Variants in GNG7 observed in about 807,000 individuals in gnomAD.
GNG7 encodes the protein guanine nucleotide-binding protein G(I)/G(S)/G(O) subunit gamma-7.
Under a neutral mutation model 4.0 loss-of-function variants are expected in GNG7, and 1 was observed. The observed-to-expected ratio is 0.25, with a 90% CI of 0.09 to 1.18. The LOEUF (loss-of-function observed/expected upper bound fraction) is 1.18. Ranked by LOEUF, GNG7 falls within the 50% of genes most tolerant of loss-of-function variation. The pLI is 0.50. For missense variants in GNG7, 86 were observed against 91.9 expected (o/e 0.94, Z 0.26); for synonymous variants, 34 against 36.9 (o/e 0.92, Z 0.29).
chr19:2,646,624 G>A (rs1982674050), intron 1 of GNG7, among the ~76,000 whole-genome samples: 1 of 151,854 alleles, frequency 6.6e-6, no homozygotes, highest in Non-Finnish European at 1.5e-5. Context: ...GGCAGAGGGT[G>A]CAGTGAGCTG....
At chr19:2,649,727 G>A (rs1398066980) in intron 1 of GNG7, among the ~76,000 whole-genome samples, 4 of 152,012 alleles carry the variant, frequency 2.6e-5, no homozygotes, top group East Asian at 1.9e-4. Flanking sequence ...GTGAACTAAC[G>A]CCTGTACCAT....
chr19:2,660,320 T>C lies in GNG7; in HGVS notation c.-134-14040A>G, dbSNP rs559350452. Reference sequence around the variant, plus strand: ...TCATCCCTTTCCAATCCTGATTCCCTGTGGGAGAAACACAATTCCTTCCAT... The same window carrying C: ...TCATCCCTTTCCAATCCTGATTCCCCGTGGGAGAAACACAATTCCTTCCAT... On this transcript the variant is annotated intron_variant, in intron 1 of 4. Coordinates refer to ENST00000382159, the MANE Select transcript of GNG7 (RefSeq NM_052847.3). Among the ~76,000 whole-genome samples the C allele has an allele frequency of 1.6e-3, 243 of 152,338 alleles. 1 individual carries two copies. Among genetic ancestry groups the C allele is most frequent in the African/African-American group, 5.6e-3 (234 of 41,578 alleles).
intron 3 of GNG7, among the ~76,000 whole-genome samples, chr19:2,525,770 G>T (rs1479961778): frequency 6.6e-6 from 1 of 152,000 alleles, no homozygotes; most frequent in South Asian, 2.1e-4. Flanking sequence ...TTATAATTGC[G>T]TTATGTGTAA....
chr19:2,517,896 G>C (rs925638707), intron 4 of GNG7, among the ~76,000 whole-genome samples: 10 of 152,214 alleles, frequency 6.6e-5, no homozygotes, highest in Non-Finnish European at 1.5e-4. Context: ...CCAGGAGCCT[G>C]TGGGACAGCT....
At chr19:2,644,718 T>A (rs538834911) in intron 2 of GNG7, among the ~76,000 whole-genome samples, 1 of 152,110 alleles carries the variant, frequency 6.6e-6, no homozygotes, top group Non-Finnish European at 1.5e-5. Flanking sequence ...GGGGATCACA[T>A]GCTGTGTGGC....
intron 3 of GNG7, among the ~76,000 whole-genome samples, chr19:2,554,099 T>C (rs986260425): frequency 2.1e-5 from 3 of 144,422 alleles, no homozygotes; most frequent in Admixed American, 7.1e-5. Context: ...AACCCAGGAG[T>C]TCAAGATTGC....
At chr19:2,515,645 C>T (rs1455401884) in intron 4 of GNG7, among the ~76,000 whole-genome samples, 1 of 151,926 alleles carries the variant, frequency 6.6e-6, no homozygotes, top group East Asian at 1.9e-4. Flanking sequence ...TCAGGCTGGT[C>T]TCGAACTCCT....
At chr19:2,673,466 G>A (rs553745692) in intron 1 of GNG7, among the ~76,000 whole-genome samples, 152 of 152,090 alleles carry the variant, frequency 1.0e-3, no homozygotes, top group African/African-American at 3.4e-3. Flanking sequence ...GCCGAGGCGG[G>A]CGGCTCACCT....
chr19:2,569,375 A>G (rs1032783708), intron 2 of GNG7, among the ~76,000 whole-genome samples: 1 of 152,024 alleles, frequency 6.6e-6, no homozygotes, highest in Non-Finnish European at 1.5e-5. Flanking sequence ...TCCTGGGTTG[A>G]CACCATTCTC....
chr19:2,667,433 C>T (rs1983338295), intron 1 of GNG7, among the ~76,000 whole-genome samples: 2 of 152,246 alleles, frequency 1.3e-5, no homozygotes, highest in South Asian at 4.1e-4. Context: ...TGCGTGAATA[C>T]CTCACCTCTA....
rs1361626136 is a variant in GNG7, at chr19:2,557,001, C to T, written c.-77-1813G>A. 6.7e-6 allele frequency among the ~76,000 whole-genome samples: 1 copy of T among 148,568 alleles called. No individual in the cohort carries two copies. The highest frequency in any genetic ancestry group is 2.5e-5 in the African/African-American group (1 of 40,148). On this transcript the variant is annotated intron_variant, in intron 2 of 4. Transcript: ENST00000382159. This position sits in a 1 kb window ranked among gnomAD's most constrained non-coding sequence, Gnocchi z 5.1. ...AGAGACATCCAGGGGGGCTGCCTCC[C>T]CTCCCACCTCTACACACACACACGC...
In GNG7 at chr19:2,513,681, T is replaced by G; in HGVS notation, c.*1341A>C. The G allele has an allele frequency of 2.0e-6, 1 of 507,678 alleles. No individual in the cohort carries two copies. The highest frequency in any genetic ancestry group is 1.5e-4 in the East Asian group (1 of 6,664). 31.4% of individuals were successfully genotyped at this position (507,678 alleles called of 1,614,324 possible). A position where few individuals can be genotyped will look rare whatever the true frequency, so the allele number is the denominator to read the frequency against. On this transcript the variant is annotated 3_prime_UTR_variant, in exon 5 of 5. Coordinates refer to ENST00000382159, the MANE Select transcript of GNG7 (RefSeq NM_052847.3). ...CAGGGTAACGTTTTGAGCGGACGTT[T>G]TGATCTCCGGGACAACGTCTCACCT...
At chr19:2,590,912 TCCATCCATCCAA>T (rs1368652805) in intron 2 of GNG7, among the ~76,000 whole-genome samples, 22 of 151,942 alleles carry the variant, frequency 1.4e-4, no homozygotes, top group African/African-American at 4.8e-4. Flanking sequence ...CATCCATTCA[TCCATCCATCCAA>T]CCATCCATTT....
intron 1 of GNG7, among the ~76,000 whole-genome samples, chr19:2,684,119 C>T (rs1051524421): frequency 1.4e-5 from 2 of 147,232 alleles, no homozygotes; most frequent in African/African-American, 5.0e-5. Flanking sequence ...GTCAGGAGTT[C>T]GAGACCAGCC....
rs187775481 is a variant in GNG7, at chr19:2,538,791, C to T, written c.-38+16358G>A. The T allele has an allele frequency of 2.8e-4, 110 of 393,784 alleles. 1 individual carries two copies. The East Asian group carries it at 2.8e-3, about 10-fold the overall frequency. The allele number at this position is 393,784 out of a possible 1,614,324, so 24.4% of individuals were successfully genotyped here. A position where few individuals can be genotyped will look rare whatever the true frequency, so the allele number is the denominator to read the frequency against. ...TTCTTTTTTTTCTTTTTTTTTGAGA[C>T]GGAGTCTCACTCTGTCTCCCAGGCT... On this transcript the variant is annotated intron_variant, in intron 3 of 4. Transcript: ENST00000382159.
intron 2 of GNG7, among the ~76,000 whole-genome samples, chr19:2,569,338 C>T (rs11878829): frequency 0.042 from 6,421 of 152,138 alleles, 437 homozygotes; most frequent in African/African-American, 0.15. Flanking sequence ...TGCAGTGGCG[C>T]GATCTCGGCT....
At chr19:2,665,838 G>T (rs1355861638) in intron 1 of GNG7, among the ~76,000 whole-genome samples, 1 of 152,046 alleles carries the variant, frequency 6.6e-6, no homozygotes, top group Non-Finnish European at 1.5e-5. Context: ...TTTAGAACCT[G>T]GATTACCTCC....
chr19:2,517,394 T>C (rs930922761), intron 4 of GNG7, among the ~76,000 whole-genome samples: 4 of 152,082 alleles, frequency 2.6e-5, no homozygotes, highest in African/African-American at 9.7e-5. Context: ...AGACAGAGTC[T>C]CACTCTGTCA....
chr19:2,691,755 T>C (rs547299306), intron 1 of GNG7, among the ~76,000 whole-genome samples: 19 of 150,704 alleles, frequency 1.3e-4, no homozygotes, highest in African/African-American at 3.7e-4. Flanking sequence ...TAATCCCAGC[T>C]ACTCGGGAGG....
Sources: allele counts gnomAD v4.1 joint callset (sites outside exome capture counted in the v4.1 genomes callset), GRCh38; gene constraint gnomAD v4.1.1; non-coding constraint Gnocchi (gnomAD v3.1); transcripts MANE v1.5; gene names NCBI Gene and HGNC (gene_info 2026-07-23, HGNC 2026-07-21).